VPS13B: variants seen among roughly 807,000 people sequenced by gnomAD.
VPS13B encodes vacuolar protein sorting 13 homolog B.
A neutral mutation model predicts 426.4 loss-of-function variants in VPS13B; 285 were observed. The ratio of observed to expected loss-of-function variants is 0.67; its 90% CI spans 0.61 to 0.74. VPS13B has a LOEUF of 0.74. VPS13B is among the 30% of genes least tolerant of loss of function. The pLI is 0.00. For synonymous variants in VPS13B, 1,676 were observed against 1,676.4 expected, an observed-to-expected ratio of 1.00 and a Z score of 0.01; for missense variants, 4,537 against 4,782.6, an observed-to-expected ratio of 0.95 and a Z score of 1.51.
intron 17 of VPS13B, among the ~76,000 whole-genome samples, chr8:99,248,345 A>G (rs1212410257): frequency 6.6e-6 from 1 of 152,192 alleles, no homozygotes; most frequent in Non-Finnish European, 1.5e-5. Context: ...ATACATATAT[A>G]GAAATATATA....
chr8:99,098,451 G>A (rs777889187), intron 4 of VPS13B, among the ~76,000 whole-genome samples: 1 of 151,864 alleles, frequency 6.6e-6, no homozygotes, highest in Non-Finnish European at 1.5e-5. Flanking sequence ...CATTTTTTAC[G>A]TTGTTATTTC....
At chr8:99,824,259 G>A (rs934014699) in intron 51 of VPS13B, among the ~76,000 whole-genome samples, 2 of 152,228 alleles carry the variant, frequency 1.3e-5, no homozygotes, top group Non-Finnish European at 2.9e-5. Context: ...CCTCTAGCAT[G>A]CTCACTAGAC....
chr8:99,614,260 C>G (rs1827971197), intron 33 of VPS13B, among the ~76,000 whole-genome samples: 1 of 151,806 alleles, frequency 6.6e-6, no homozygotes. Context: ...TATACACACA[C>G]ACACACACAC....
rs139436386 is a variant in VPS13B, at chr8:99,871,565, C to T, written c.11613C>T (p.Phe3871=). 1,178 of 1,614,214 alleles carry T rather than the reference C, an allele frequency of 7.3e-4. No individual in the cohort carries two copies. Among genetic ancestry groups the T allele is most frequent in the Admixed American group, 1.7e-3 (101 of 60,022 alleles). ...GCLLLTSEVL[F]VVSVSEDTQQ... ...TGCTGCTGACATCAGAAGTGCTCTT[C>T]GTGGTGAGTGTCAGTGAGGACACAC... The change falls in exon 61 of 62, where the codon TTC becomes TTT. Residue 3871 remains phenylalanine, a synonymous_variant. Transcript: ENST00000357162.
intron 16 of VPS13B, among the ~76,000 whole-genome samples, chr8:99,179,425 C>T (rs936424122): frequency 4.6e-5 from 7 of 152,104 alleles, no homozygotes; most frequent in African/African-American, 1.7e-4. Context: ...TTTCTACACT[C>T]ATCTGAAACG....
intron 21 of VPS13B, among the ~76,000 whole-genome samples, chr8:99,422,370 A>G (rs144356347): frequency 1.3e-4 from 20 of 152,246 alleles, no homozygotes; most frequent in African/African-American, 3.8e-4. Context: ...GACTGGAAAT[A>G]TTGCTTGACG....
chr8:99,815,309 G>T (rs998849325), intron 44 of VPS13B, among the ~76,000 whole-genome samples: 3 of 152,002 alleles, frequency 2.0e-5, no homozygotes, highest in African/African-American at 7.3e-5. Context: ...GTAAGTTCCA[G>T]TCCAAAGTCT....
intron 25 of VPS13B, among the ~76,000 whole-genome samples, chr8:99,500,780 T>C: frequency 6.6e-6 from 1 of 152,214 alleles, no homozygotes. Context: ...CAATACTTCA[T>C]AGCTAATCCT....
chr8:99,369,426 A>G (rs1719034892), intron 19 of VPS13B, among the ~76,000 whole-genome samples: 2 of 152,308 alleles, frequency 1.3e-5, no homozygotes, highest in African/African-American at 4.8e-5. Flanking sequence ...AGTAGAGAAC[A>G]CCTTGATTGA....
chr8:99,652,096 G>T (rs748243106), intron 34 of VPS13B, among the ~76,000 whole-genome samples: 16 of 152,246 alleles, frequency 1.1e-4, no homozygotes, highest in Middle Eastern at 3.4e-3. Flanking sequence ...TTTAAGATAG[G>T]TTATCTAATA....
chr8:99,699,355 C>T (rs1832175119), intron 35 of VPS13B, among the ~76,000 whole-genome samples, 170 bp from the exon 36 acceptor site: 1 of 151,836 alleles, frequency 6.6e-6, no homozygotes, highest in Non-Finnish European at 1.5e-5. Flanking sequence ...CAAGTAACAA[C>T]ATGGAAAGAA....
At chr8:99,372,148 G>T (rs1220182792) in intron 19 of VPS13B, among the ~76,000 whole-genome samples, 1 of 151,424 alleles carries the variant, frequency 6.6e-6, no homozygotes, top group Non-Finnish European at 1.5e-5. Flanking sequence ...CTACTCGGGA[G>T]GCTGAGGCAG....
At chr8:99,172,927 C>T (rs766662145) in intron 16 of VPS13B, among the ~76,000 whole-genome samples, 6 of 152,002 alleles carry the variant, frequency 3.9e-5, no homozygotes, top group Non-Finnish European at 8.8e-5. Flanking sequence ...CTCTAAATTT[C>T]TTTCTTTTAT....
At chr8:99,340,656 T>TA in intron 19 of VPS13B, 1 of 410,846 alleles carries the variant, frequency 2.4e-6, no homozygotes, top group East Asian at 6.6e-5. Context: ...TCTTCCTTGC[T>TA]AGGAGGCTGA....
rs535330465 is a variant in VPS13B at position 99,426,189 on chromosome 8, T to C, written c.3083-5348T>C. On this transcript the variant is annotated intron_variant, in intron 21 of 61. Transcript: ENST00000357162. ...TTGGTTTTTTGTTCTTGCGATAGTT[T>C]ACTGAGAATGATGATTTCCAATTTC... Among the ~76,000 whole-genome samples, 21 of 147,592 alleles carry C rather than the reference T, an allele frequency of 1.4e-4. No individual in the cohort carries two copies. In the East Asian group the frequency reaches 3.3e-3, roughly 23 times the overall value.
chr8:99,462,349 T>G (rs1462466458), intron 23 of VPS13B, among the ~76,000 whole-genome samples: 1 of 152,176 alleles, frequency 6.6e-6, no homozygotes, highest in Non-Finnish European at 1.5e-5. Flanking sequence ...TTAGAACTTT[T>G]TTTTTATTCT....
At chr8:99,490,352 C>G (rs1820536347) in intron 25 of VPS13B, among the ~76,000 whole-genome samples, 1 of 152,130 alleles carries the variant, frequency 6.6e-6, no homozygotes, top group Non-Finnish European at 1.5e-5. Flanking sequence ...GGATATTGGT[C>G]TAAAATTCTC....
In VPS13B at chr8:99,415,265, G is replaced by A. The variant is rs541998159; in HGVS notation, c.3083-16272G>A. On this transcript the variant is annotated intron_variant, in intron 21 of 61. Coordinates refer to ENST00000357162, the MANE Select transcript of VPS13B (RefSeq NM_152564.5). ...GTGTTTTTCATCTCCATCTCCATCA[G>A]GTCATTTATGTTCTTCTCTAAACTG... Among the ~76,000 whole-genome samples, 37 of 151,766 alleles carry A rather than the reference G, an allele frequency of 2.4e-4. No individual in the cohort carries two copies. In the Middle Eastern group the frequency reaches 0.031, roughly 126 times the overall value.
chr8:99,076,487 A>C (rs1424119247), intron 3 of VPS13B, among the ~76,000 whole-genome samples: 3 of 152,068 alleles, frequency 2.0e-5, no homozygotes, highest in Non-Finnish European at 2.9e-5. Flanking sequence ...TATTGGAGCT[A>C]TCTCTCCCTT....
Sources: allele counts gnomAD v4.1 joint callset (sites outside exome capture counted in the v4.1 genomes callset), GRCh38; gene constraint gnomAD v4.1.1; transcripts MANE v1.5; gene names NCBI Gene and HGNC (gene_info 2026-07-23, HGNC 2026-07-21).